UCKL1: variants seen among roughly 807,000 people sequenced by gnomAD.
UCKL1 encodes uridine-cytidine kinase-like 1.
Under a neutral mutation model 59.2 loss-of-function variants are expected in UCKL1, and 65 were observed. The ratio of observed to expected loss-of-function variants is 1.10; its 90% CI spans 0.90 to 1.35. UCKL1 has a LOEUF of 1.35. UCKL1 is among the 40% of genes most tolerant of loss of function. The pLI, the probability that UCKL1 is intolerant of heterozygous loss-of-function variation, is 0.00. For missense variants in UCKL1, 703 were observed against 784.3 expected, an observed-to-expected ratio of 0.90 and a Z score of 1.24; for synonymous variants, 410 against 323.1, an observed-to-expected ratio of 1.27 and a Z score of -2.88.
chr20:63,951,119 A>C, intron 1 of UCKL1: 1 of 1,124,198 alleles, frequency 8.9e-7, no homozygotes, highest in Non-Finnish European at 1.1e-6. Context: ...TGAAGCCTCC[A>C]CCGTACTGAG....
Position 63,940,069 on chromosome 20 carries a change from G to C in UCKL1, c.1568-14C>G, listed in dbSNP as rs747509763. 1.2e-6 allele frequency: 2 copies of C among 1,607,034 alleles called. No individual in the cohort carries two copies. The highest frequency in any genetic ancestry group is 1.7e-6 in the Non-Finnish European group (2 of 1,176,306). ...CGCCAAAGTTCCCTGGAAAAAGGGG[G>C]GGGGGGGTCCAGTGTGGTGGGGCCT... On this transcript the variant is annotated splice_polypyrimidine_tract_variant and intron_variant, in intron 14 of 14. Transcript: ENST00000354216.
rs1278552102 is a variant in UCKL1 at position 63,956,404 on chromosome 20, G to C, written c.-32C>G. ...CGGAGGCCTCTTTGCGGGCCTGGCC[G>C]GGCGGCGCGCATGGGCCGCCGGGAG... On this transcript the variant is annotated 5_prime_UTR_variant, in exon 1 of 15. Coordinates refer to ENST00000354216, the MANE Select transcript of UCKL1 (RefSeq NM_017859.4). The C allele has an allele frequency of 7.3e-7, 1 of 1,376,008 alleles. No individual in the cohort carries two copies. Among genetic ancestry groups the C allele is most frequent in the Non-Finnish European group, 9.4e-7 (1 of 1,064,930 alleles). The allele number at this position is 1,376,008 out of a possible 1,614,324, so 85.2% of individuals were successfully genotyped here.
chr20:63,941,641 C>G (rs1255950666), intron 8 of UCKL1: 1 of 223,966 alleles, frequency 4.5e-6, no homozygotes, highest in African/African-American at 2.4e-5. Flanking sequence ...CCTGGCTCCT[C>G]CCCGAGGTGG....
Position 63,941,026 on chromosome 20 carries a change from C to T in UCKL1, c.1040G>A (p.Arg347His), listed in dbSNP as rs866887431. 2 of 1,566,382 alleles carry T rather than the reference C, an allele frequency of 1.3e-6. No homozygotes were observed. Among genetic ancestry groups the T allele is most frequent in the Non-Finnish European group, 1.7e-6 (2 of 1,157,354 alleles). ...HTIIRDKETSRDEFIFYSKRL... is the reference protein window; with the variant it reads ...HTIIRDKETSHDEFIFYSKRL... Reference sequence around the variant, plus strand: ...CTTGGAGTAGAAGATGAACTCGTCGCGACTGGTCTCCTTGTCCCTGTGGGG... The same window carrying T: ...CTTGGAGTAGAAGATGAACTCGTCGTGACTGGTCTCCTTGTCCCTGTGGGG... Residue 347 changes from arginine to histidine, a missense_variant, in exon 10 of 15, where the codon CGC becomes CAC. Arg to His is a conservative substitution (Grantham distance 29). Coordinates refer to ENST00000354216, the MANE Select transcript of UCKL1 (RefSeq NM_017859.4).
At chr20:63,950,287 C>T (rs1202682992) in intron 1 of UCKL1, among the ~76,000 whole-genome samples, 1 of 152,168 alleles carries the variant, frequency 6.6e-6, no homozygotes, top group African/African-American at 2.4e-5. Flanking sequence ...CACCCCTTGA[C>T]AGGAAAGTTG....
intron 1 of UCKL1, 164 bp downstream of exon 1, chr20:63,956,096 G>T (rs2058613138): frequency 1.4e-5 from 9 of 630,508 alleles, no homozygotes; most frequent in East Asian, 3.6e-5. Flanking sequence ...GCCGCTTCAA[G>T]CCCGCGGGGT....
intron 1 of UCKL1, 67 bp from the exon 2 acceptor site, chr20:63,946,710 C>G: frequency 6.8e-7 from 1 of 1,468,734 alleles, no homozygotes. Flanking sequence ...GCTGGCATGG[C>G]CGGCCCACAG....
At chr20:63,953,770 A>AC (rs1210595016) in intron 1 of UCKL1, 1 of 152,616 alleles carries the variant, frequency 6.6e-6, no homozygotes. Flanking sequence ...CGAACCATCC[A>AC]CAATGCCAAG....
intron 8 of UCKL1, chr20:63,941,567 G>A (rs2054438142): frequency 1.1e-5 from 3 of 283,774 alleles, no homozygotes; most frequent in Non-Finnish European, 2.2e-5. Flanking sequence ...TCATACCCCA[G>A]AATGGGTAGC....
chr20:63,941,776 G>A (rs1443717789), intron 8 of UCKL1, among the ~76,000 whole-genome samples: 2 of 152,120 alleles, frequency 1.3e-5, no homozygotes, highest in Non-Finnish European at 2.9e-5. Context: ...GGAGCGGGCA[G>A]GAAAAGGGCG....
Position 63,940,988 on chromosome 20 carries a change from G to A in UCKL1, c.1078C>T (p.Leu360=), listed in dbSNP as rs2054231128. The change falls in exon 10 of 15, where the codon CTG becomes TTG. Residue 360 remains leucine (L), a synonymous_variant. Coordinates refer to ENST00000354216, the MANE Select transcript of UCKL1 (RefSeq NM_017859.4). ...AAGGAGAGCGCGTGCTCGATGAGCA[G>A]CCGCATCAGTCTCTTGGAGTAGAAG... ...FIFYSKRLMR[L]LIEHALSFLP... 2 of 1,532,444 alleles carry A rather than the reference G, an allele frequency of 1.3e-6. No homozygotes were observed. Among genetic ancestry groups the A allele is most frequent in the African/African-American group, 2.8e-5 (2 of 72,502 alleles). 94.9% of individuals were successfully genotyped at this position (1,532,444 alleles called of 1,614,324 possible).
At chr20:63,940,526 C>T (rs1409286500) in intron 12 of UCKL1, 41 bp from the exon 13 acceptor site, 4 of 1,603,886 alleles carry the variant, frequency 2.5e-6, no homozygotes, top group East Asian at 2.2e-5. Context: ...GGGCTCCCTG[C>T]GTCCCCTTGC....
rs199998971 is a variant in UCKL1, at chr20:63,940,120, T to C, written c.1567+30A>G. 8 of 1,612,052 alleles carry C rather than the reference T, an allele frequency of 5.0e-6. No individual in the cohort carries two copies. The East Asian group carries it at 8.9e-5, about 18-fold the overall frequency. On this transcript the variant is annotated intron_variant, in intron 14 of 14. Transcript: ENST00000354216. ...CCCAGGGCCACCCACCCTGCCCTCA[T>C]GTGCGGCTGAAGGGCCCGGGCAGCC...
At chr20:63,953,699 A>C (rs992741976) in intron 1 of UCKL1, 3 of 152,324 alleles carry the variant, frequency 2.0e-5, no homozygotes, top group Admixed American at 6.5e-5. Context: ...CCAAAAAAAA[A>C]AGAAAGGAAG....
chr20:63,956,200 C>T lies in UCKL1; in HGVS notation c.113+60G>A, dbSNP rs2058643064. On this transcript the variant is annotated intron_variant, in intron 1 of 14. Transcript: ENST00000354216. ...GCGGGGACGGACCACCCGCCCAGCTCGGCCGGATCTGCAGCCCCTTCCCGC... is the reference window on the plus strand; with the variant it reads ...GCGGGGACGGACCACCCGCCCAGCTTGGCCGGATCTGCAGCCCCTTCCCGC... The T allele has an allele frequency of 4.3e-6, 6 of 1,393,950 alleles. No homozygotes were observed. The South Asian group carries it at 5.7e-5, about 13-fold the overall frequency. 86.3% of individuals were successfully genotyped at this position (1,393,950 alleles called of 1,614,324 possible).
intron 1 of UCKL1, chr20:63,951,113 G>GT: frequency 8.7e-7 from 1 of 1,145,480 alleles, no homozygotes; most frequent in African/African-American, 1.6e-5. Flanking sequence ...GGCCCTTGAA[G>GT]CCTCCACCGT....
intron 5 of UCKL1, 59 bp downstream of exon 5, chr20:63,945,592 T>C (rs1166934586): frequency 3.8e-6 from 6 of 1,579,774 alleles, no homozygotes; most frequent in Non-Finnish European, 5.2e-6. Context: ...GCACACCTCA[T>C]GGACAGGGCG....
intron 1 of UCKL1, among the ~76,000 whole-genome samples, chr20:63,947,778 G>A (rs1040350858): frequency 1.3e-5 from 2 of 152,266 alleles, no homozygotes; most frequent in Non-Finnish European, 2.9e-5. Context: ...GTAAGGGGGA[G>A]CCCCTAAAGT....
intron 1 of UCKL1, among the ~76,000 whole-genome samples, chr20:63,946,849 A>G (rs2056378310): frequency 2.0e-5 from 3 of 152,014 alleles, no homozygotes; most frequent in Admixed American, 2.0e-4. Context: ...AGGCCGAGGC[A>G]GGTGGATCAT....
Sources: allele counts gnomAD v4.1 joint callset (sites outside exome capture counted in the v4.1 genomes callset), GRCh38; gene constraint gnomAD v4.1.1; transcripts MANE v1.5; gene names NCBI Gene and HGNC (gene_info 2026-07-23, HGNC 2026-07-21).